The following ZEB1 variants were observed in gnomAD, a reference collection of about 807,000 sequenced individuals.
ZEB1 encodes zinc finger E-box binding homeobox 1, also known as zinc finger E-box-binding homeobox 1.
ZEB1 carries 21 observed loss-of-function variants against 84.9 expected under a neutral mutation model. The ratio of observed to expected loss-of-function variants is 0.25; its 90% CI spans 0.18 to 0.36. The LOEUF is 0.36. Ranked by LOEUF, ZEB1 falls within the 10% of genes least tolerant of loss-of-function variation. The pLI is 1.00. For missense variants in ZEB1, 1,104 were observed against 1,330.2 expected, an observed-to-expected ratio of 0.83 and a Z score of 2.65; for synonymous variants, 420 against 471.1, an observed-to-expected ratio of 0.89 and a Z score of 1.41.
intron 1 of ZEB1, among the ~76,000 whole-genome samples, chr10:31,337,899 G>T (rs1253043554): frequency 6.6e-6 from 1 of 151,978 alleles, no homozygotes; most frequent in African/African-American, 2.4e-5. Flanking sequence ...GGCCAGGCAG[G>T]TCTTGAACTC....
chr10:31,504,526 T>A (rs755039071), intron 4 of ZEB1, among the ~76,000 whole-genome samples: 1 of 152,114 alleles, frequency 6.6e-6, no homozygotes, highest in Non-Finnish European at 1.5e-5. Flanking sequence ...TTGGATTGAA[T>A]CTGTAGATCG....
intron 1 of ZEB1, among the ~76,000 whole-genome samples, chr10:31,391,110 C>T (rs1193270313): frequency 1.3e-5 from 2 of 152,074 alleles, no homozygotes; most frequent in East Asian, 1.9e-4. Context: ...CATAAGTTAG[C>T]GTTCCAAAGT....
chr10:31,472,477 C>T (rs1004548887), intron 2 of ZEB1, among the ~76,000 whole-genome samples: 14 of 151,864 alleles, frequency 9.2e-5, no homozygotes, highest in East Asian at 1.9e-4. Flanking sequence ...ATACATTCCT[C>T]GACACATACA....
chr10:31,323,402 T>G (rs1358206300), intron 1 of ZEB1, among the ~76,000 whole-genome samples: 1 of 152,068 alleles, frequency 6.6e-6, no homozygotes, highest in African/African-American at 2.4e-5. Context: ...TATGTAGACT[T>G]AGACTATGGA....
chr10:31,394,119 G>A (rs1399134061), intron 1 of ZEB1, among the ~76,000 whole-genome samples: 2 of 152,138 alleles, frequency 1.3e-5, no homozygotes, highest in Non-Finnish European at 2.9e-5. Context: ...ATCTATTTCA[G>A]GTTGCACAAA....
intron 1 of ZEB1, among the ~76,000 whole-genome samples, chr10:31,343,901 G>A (rs1183338636): frequency 5.3e-5 from 8 of 152,066 alleles, no homozygotes; most frequent in Non-Finnish European, 2.9e-5. Flanking sequence ...TACTGAATGC[G>A]CCTTGAGGAG....
intron 1 of ZEB1, among the ~76,000 whole-genome samples, chr10:31,439,033 T>C (rs2058600217): frequency 6.6e-6 from 1 of 152,194 alleles, no homozygotes; most frequent in African/African-American, 2.4e-5. Flanking sequence ...TTTTTTAAAG[T>C]AATATAAACA....
intron 1 of ZEB1, among the ~76,000 whole-genome samples, chr10:31,329,076 T>G (rs2036209151): frequency 1.3e-5 from 2 of 152,090 alleles, no homozygotes; most frequent in Non-Finnish European, 1.5e-5. Flanking sequence ...CATGTACATT[T>G]TGATAGAGTT....
chr10:31,341,148 T>C (rs2039283656), intron 1 of ZEB1, among the ~76,000 whole-genome samples: 1 of 152,028 alleles, frequency 6.6e-6, no homozygotes, highest in Non-Finnish European at 1.5e-5. Flanking sequence ...TCAGGTTGAG[T>C]AGAGTACTCT....
Position 31,492,808 on chromosome 10 carries a change from A to G in ZEB1, c.260-2968A>G, listed in dbSNP as rs571162831. On this transcript the variant is annotated intron_variant, in intron 2 of 8. Transcript: ENST00000424869. ...GTCTTCTGGATTTTTATTAGAATGA[A>G]TCACATTTTCCATCCTTGTTTTTAT... 4.6e-5 allele frequency among the ~76,000 whole-genome samples: 7 copies of G among 152,038 alleles called. 1 individual carries two copies. The highest frequency in any genetic ancestry group is 3.4e-3 in the Middle Eastern group (1 of 294).
chr10:31,495,714 A>G, intron 2 of ZEB1, 62 bp from the exon 3 acceptor site: 1 of 1,581,650 alleles, frequency 6.3e-7, no homozygotes, highest in Non-Finnish European at 8.7e-7. Context: ...AACTTTAAAC[A>G]TTTGTCTTTC....
chr10:31,342,737 G>T (rs1220275910), intron 1 of ZEB1, among the ~76,000 whole-genome samples: 1 of 152,092 alleles, frequency 6.6e-6, no homozygotes, highest in East Asian at 1.9e-4. Context: ...GTTAGATCTG[G>T]TTTGCTGAAA....
At chr10:31,422,725 A>G (rs924062577) in intron 1 of ZEB1, among the ~76,000 whole-genome samples, 6 of 152,078 alleles carry the variant, frequency 3.9e-5, no homozygotes, top group Admixed American at 1.3e-4. Flanking sequence ...CTATGTGGAT[A>G]TATTGTGTGA....
intron 1 of ZEB1, among the ~76,000 whole-genome samples, chr10:31,398,227 G>A (rs1472328230): frequency 6.6e-6 from 1 of 152,096 alleles, no homozygotes; most frequent in Non-Finnish European, 1.5e-5. Context: ...CTGTTAATGA[G>A]TTGGGAAGGG....
intron 8 of ZEB1, among the ~76,000 whole-genome samples, 199 bp downstream of exon 8, chr10:31,524,312 G>A (rs1045333491): frequency 4.6e-5 from 7 of 151,530 alleles, no homozygotes; most frequent in Non-Finnish European, 7.4e-5. Flanking sequence ...TCCGCCTCCC[G>A]GGCTCAAGCC....
intron 2 of ZEB1, among the ~76,000 whole-genome samples, chr10:31,462,581 T>C (rs2061940650): frequency 6.6e-6 from 1 of 152,076 alleles, no homozygotes; most frequent in South Asian, 2.1e-4. Flanking sequence ...GTACAGTGAA[T>C]ATAAGGTTTT....
intron 1 of ZEB1, chr10:31,358,070 A>G (rs1001618006): frequency 2.0e-5 from 3 of 152,204 alleles, no homozygotes; most frequent in African/African-American, 7.2e-5. Context: ...AATTCTAAAT[A>G]TGCCTTAACT....
At chr10:31,494,309 C>T (rs1351333662) in intron 2 of ZEB1, among the ~76,000 whole-genome samples, 1 of 151,984 alleles carries the variant, frequency 6.6e-6, no homozygotes, top group Non-Finnish European at 1.5e-5. Context: ...AATGAGACTT[C>T]AGCAGAAGTT....
At chr10:31,326,841 A>C (rs2035601247) in intron 1 of ZEB1, among the ~76,000 whole-genome samples, 1 of 152,176 alleles carries the variant, frequency 6.6e-6, no homozygotes, top group Non-Finnish European at 1.5e-5. Flanking sequence ...ATATCACTTA[A>C]AATATTTCAG....
Sources: gnomAD v4.1 joint callset for allele counts (sites outside exome capture counted in the v4.1 genomes callset) on GRCh38, gnomAD v4.1.1 for gene constraint, MANE v1.5 for transcripts, NCBI Gene and HGNC (gene_info 2026-07-23, HGNC 2026-07-21) for gene names.